Variants in PKN2 observed in about 807,000 individuals in gnomAD.
PKN2 encodes the protein protein kinase N2, also known as serine/threonine-protein kinase N2.
In PKN2, 38 loss-of-function variants were observed where a neutral mutation model predicts 119.1. The ratio of observed to expected loss-of-function variants is 0.32; its 90% confidence interval spans 0.25 to 0.42. PKN2 has a LOEUF of 0.42. Among genes scored for constraint, PKN2 ranks in the 10% least tolerant of loss-of-function variants. The pLI is 1.00. For missense variants in PKN2, 850 were observed against 1,165.1 expected, an observed-to-expected ratio of 0.73 and a Z score of 3.94; for synonymous variants, 390 against 384.9, an observed-to-expected ratio of 1.01 and a Z score of -0.15.
intron 4 of PKN2, 108 bp downstream of exon 4, chr1:88,770,577 C>CT (rs775781394): frequency 0.16 from 70,187 of 438,368 alleles, 1,162 homozygotes; most frequent in African/African-American, 0.25. Context: ...ATTACTATTA[C>CT]TTTTTTTTTT....
chr1:88,739,009 TAGA>T (rs1557578343), intron 1 of PKN2, among the ~76,000 whole-genome samples: 2 of 152,226 alleles, frequency 1.3e-5, no homozygotes, highest in East Asian at 3.8e-4. Flanking sequence ...TTGGCTCAGG[TAGA>T]AGATCATTGT....
intron 6 of PKN2, among the ~76,000 whole-genome samples, 186 bp downstream of exon 6, chr1:88,772,065 T>C (rs1299000105): frequency 1.3e-5 from 2 of 152,346 alleles, no homozygotes; most frequent in East Asian, 3.9e-4. Context: ...ATTCACAATA[T>C]TGTGTGACCA....
At chr1:88,694,110 G>A (rs1666434523) in intron 1 of PKN2, among the ~76,000 whole-genome samples, 1 of 152,182 alleles carries the variant, frequency 6.6e-6, no homozygotes, top group African/African-American at 2.4e-5. Flanking sequence ...TGTTGCAGTT[G>A]ATGAACCTAT....
At chr1:88,774,433 C>T (rs1490631305) in intron 6 of PKN2, among the ~76,000 whole-genome samples, 2 of 152,120 alleles carry the variant, frequency 1.3e-5, no homozygotes, top group African/African-American at 2.4e-5. Flanking sequence ...CATCCTGAAA[C>T]TGTCTAGAGG....
chr1:88,684,494 C>G lies in PKN2; in HGVS notation c.-87C>G. Reference sequence around the variant, plus strand: ...TTTTTTTTTTTTCTTTCTCTCCCCTCTCCTCACCCCCACCCCGAGCCCCGT... The same window carrying G: ...TTTTTTTTTTTTCTTTCTCTCCCCTGTCCTCACCCCCACCCCGAGCCCCGT... On this transcript the variant is annotated 5_prime_UTR_variant, in exon 1 of 22. Transcript: ENST00000370521. 9.9e-7 allele frequency: 1 copy of G among 1,012,146 alleles called. No individual in the cohort carries two copies. Among genetic ancestry groups the G allele is most frequent in the Non-Finnish European group, 1.4e-6 (1 of 699,660 alleles). The allele number at this position is 1,012,146 out of a possible 1,614,324, so 62.7% of individuals were successfully genotyped here.
rs113109597 is a variant in PKN2 at position 88,808,781 on chromosome 1, A to G, written c.2102+1006A>G. On this transcript the variant is annotated intron_variant, in intron 15 of 21. Transcript: ENST00000370521. ...ATGGACATTTTTCTTACACCACTGT[A>G]GGAGGCATATGTTAATATTAATGGT... is the stretch of plus-strand genomic sequence containing the variant. Among the ~76,000 whole-genome samples the G allele has an allele frequency of 6.6e-5, 10 of 152,318 alleles. 2 individuals are homozygous for G. The highest frequency in any genetic ancestry group is 2.4e-4 in the African/African-American group (10 of 41,578).
In PKN2 at chr1:88,752,129, G is replaced by A. The variant is rs373676530; in HGVS notation, c.350-8093G>A. Among the ~76,000 whole-genome samples, 9 of 152,142 alleles carry A rather than the reference G, an allele frequency of 5.9e-5. No individual in the cohort carries two copies. The East Asian group carries it at 9.6e-4, about 16-fold the overall frequency. ...TGTCCCTTTGAATGTTGTACCTCCT[G>A]TTTTCCTTCTACGTAGTTTTTTGGG... is the stretch of plus-strand genomic sequence containing the variant. On this transcript the variant is annotated intron_variant, in intron 2 of 21. Coordinates refer to ENST00000370521, the MANE Select transcript of PKN2 (RefSeq NM_006256.4).
intron 1 of PKN2, among the ~76,000 whole-genome samples, chr1:88,716,022 T>C (rs1302593722): frequency 1.3e-5 from 2 of 152,222 alleles, no homozygotes; most frequent in Non-Finnish European, 2.9e-5. Context: ...AAATAACTTG[T>C]TTATTTCTAC....
chr1:88,721,123 C>T lies in PKN2; in HGVS notation c.49-19865C>T, dbSNP rs553118839. On this transcript the variant is annotated intron_variant, in intron 1 of 21. Coordinates refer to ENST00000370521, the MANE Select transcript of PKN2 (RefSeq NM_006256.4). ...TTTTTCATATAATGACTTTTTTTTT[C>T]GTCTGGGTAGATACCCAGTAGTGGG... Among the ~76,000 whole-genome samples, 21 of 151,420 alleles carry T rather than the reference C, an allele frequency of 1.4e-4. No individual in the cohort carries two copies. In the East Asian group the frequency reaches 1.9e-3, roughly 14 times the overall value.
chr1:88,731,990 A>G (rs1668158843), intron 1 of PKN2, among the ~76,000 whole-genome samples: 1 of 152,206 alleles, frequency 6.6e-6, no homozygotes, highest in Non-Finnish European at 1.5e-5. Context: ...AAGTCATTGT[A>G]TTTACCAAAT....
intron 1 of PKN2, among the ~76,000 whole-genome samples, chr1:88,727,529 A>G (rs1234881776): frequency 6.6e-6 from 1 of 152,044 alleles, no homozygotes; most frequent in African/African-American, 2.4e-5. Context: ...TTGTGTGTAG[A>G]CCATTTGTAT....
chr1:88,786,382 A>G (rs1367201617), intron 8 of PKN2, among the ~76,000 whole-genome samples, 169 bp downstream of exon 8: 2 of 152,146 alleles, frequency 1.3e-5, no homozygotes, highest in Admixed American at 6.5e-5. Flanking sequence ...CTACCTTAAT[A>G]TAGAGATGAA....
At chr1:88,767,915 C>T (rs72724739) in intron 3 of PKN2, among the ~76,000 whole-genome samples, 3,810 of 152,170 alleles carry the variant, frequency 0.025, 66 homozygotes, top group African/African-American at 0.03. Context: ...AATAATACTG[C>T]CGTCATCAAG....
chr1:88,704,952 A>G (rs1413479679), intron 1 of PKN2, among the ~76,000 whole-genome samples: 1 of 152,138 alleles, frequency 6.6e-6, no homozygotes, highest in African/African-American at 2.4e-5. Context: ...TCATGATCGT[A>G]TCTGCTATCT....
intron 18 of PKN2, among the ~76,000 whole-genome samples, chr1:88,826,261 C>T (rs995022429): frequency 6.6e-6 from 1 of 152,072 alleles, no homozygotes; most frequent in Admixed American, 6.6e-5. Flanking sequence ...GTTGAATAAC[C>T]AGACTTATTA....
At chr1:88,689,011 G>A (rs1459679699) in intron 1 of PKN2, among the ~76,000 whole-genome samples, 9 of 152,130 alleles carry the variant, frequency 5.9e-5, no homozygotes, top group Non-Finnish European at 1.2e-4. Context: ...ATAGCACACT[G>A]GTAGTTTACT....
intron 16 of PKN2, among the ~76,000 whole-genome samples, chr1:88,818,726 C>T (rs184377690): frequency 1.4e-4 from 21 of 151,450 alleles, no homozygotes; most frequent in East Asian, 9.7e-4. Flanking sequence ...GCCAAGACAA[C>T]GCTAAGCAAA....
At chr1:88,722,658 A>G (rs1667728525) in intron 1 of PKN2, among the ~76,000 whole-genome samples, 1 of 152,002 alleles carries the variant, frequency 6.6e-6, no homozygotes, top group Admixed American at 6.6e-5. Flanking sequence ...GCACGTGCCT[A>G]TATAGTTCCA....
intron 1 of PKN2, among the ~76,000 whole-genome samples, chr1:88,695,184 A>G (rs926337064): frequency 1.3e-5 from 2 of 152,314 alleles, no homozygotes; most frequent in East Asian, 3.9e-4. Flanking sequence ...AATTTAAAAT[A>G]GAGCACTTTT....
Sources: allele counts gnomAD v4.1 joint callset (sites outside exome capture counted in the v4.1 genomes callset), GRCh38; gene constraint gnomAD v4.1.1; transcripts MANE v1.5; gene names NCBI Gene and HGNC (gene_info 2026-07-23, HGNC 2026-07-21).